Variants in RAP1GAP2 observed in about 807,000 individuals in gnomAD.
RAP1GAP2 encodes RAP1 GTPase activating protein 2.
A neutral mutation model predicts 95.0 loss-of-function variants in RAP1GAP2; 27 were observed. That is an observed-to-expected ratio of 0.28 (90% CI 0.21 to 0.39). The LOEUF is 0.39. Among genes scored for constraint, RAP1GAP2 ranks in the 10% least tolerant of loss-of-function variants. The probability of loss-of-function intolerance (pLI) is 1.00; values close to 1 mark genes in which losing one functional copy is unlikely to be tolerated. For missense variants in RAP1GAP2, 771 were observed against 970.0 expected, an observed-to-expected ratio of 0.79 and a Z score of 2.72; for synonymous variants, 373 against 380.9, an observed-to-expected ratio of 0.98 and a Z score of 0.24.
intron 4 of RAP1GAP2, 144 bp downstream of exon 4, chr17:2,957,938 C>T (rs1290766312): frequency 2.3e-6 from 2 of 865,550 alleles, no homozygotes; most frequent in African/African-American, 3.5e-5. Context: ...TTGGCCCAGA[C>T]AACCTGAGGC....
intron 10 of RAP1GAP2, among the ~76,000 whole-genome samples, chr17:2,983,976 A>G (rs1164520248): frequency 6.6e-6 from 1 of 152,208 alleles, no homozygotes; most frequent in Non-Finnish European, 1.5e-5. Context: ...ATAACCACAC[A>G]TCTGCGTTTA....
At chr17:2,765,496 T>C (rs1036796831) in intron 1 of RAP1GAP2, among the ~76,000 whole-genome samples, 2 of 151,960 alleles carry the variant, frequency 1.3e-5, no homozygotes, top group African/African-American at 2.4e-5. Context: ...TCCCAGCACT[T>C]TGAGAGGCTG....
intron 18 of RAP1GAP2, among the ~76,000 whole-genome samples, chr17:3,019,227 A>T (rs2046875566): frequency 1.3e-5 from 2 of 151,782 alleles, no homozygotes; most frequent in Admixed American, 1.3e-4. Flanking sequence ...AAGGGGAGGG[A>T]ATCATGTAGT....
At chr17:2,924,664 C>A (rs9902403) in intron 3 of RAP1GAP2, among the ~76,000 whole-genome samples, 76,475 of 151,644 alleles carry the variant, frequency 0.5, 20,501 homozygotes, top group African/African-American at 0.68. Flanking sequence ...GGTTTGCTTC[C>A]CCGAGGATCA....
At chr17:3,021,580 C>T (rs771427514) in intron 19 of RAP1GAP2, among the ~76,000 whole-genome samples, 6 of 152,046 alleles carry the variant, frequency 3.9e-5, no homozygotes, top group South Asian at 4.2e-4. Context: ...GGACTACAGG[C>T]GCATGCCACC....
chr17:2,764,167 C>A (rs955222441), intron 1 of RAP1GAP2, among the ~76,000 whole-genome samples: 1 of 152,174 alleles, frequency 6.6e-6, no homozygotes, highest in Non-Finnish European at 1.5e-5. Context: ...CGCAGTGGCT[C>A]ACGCCTGTAA....
chr17:2,965,731 C>A lies in RAP1GAP2; in HGVS notation c.596+88C>A. The A allele has an allele frequency of 3.1e-6, 3 of 958,682 alleles. No individual in the cohort carries two copies. Among genetic ancestry groups the A allele is most frequent in the South Asian group, 1.4e-5 (1 of 70,086 alleles). 59.4% of individuals were successfully genotyped at this position (958,682 alleles called of 1,614,324 possible). On this transcript the variant is annotated intron_variant, in intron 8 of 24. Coordinates refer to ENST00000254695, the MANE Select transcript of RAP1GAP2 (RefSeq NM_015085.5). The surrounding 1 kb of genome is among the most constrained non-coding windows in gnomAD (Gnocchi z 4.7). ...GGGGCTGGGATGGGACTCAGAAATA[C>A]CAGACTGACCAGTCTGGTCTGGGTG...
At chr17:2,997,323 G>T (rs944085844) in intron 13 of RAP1GAP2, among the ~76,000 whole-genome samples, 1 of 152,158 alleles carries the variant, frequency 6.6e-6, no homozygotes, top group Non-Finnish European at 1.5e-5. Flanking sequence ...GCCCTCTCAG[G>T]TTGCTTTCCA....
At chr17:2,944,855 C>G (rs181078354) in intron 3 of RAP1GAP2, among the ~76,000 whole-genome samples, 3 of 152,104 alleles carry the variant, frequency 2.0e-5, no homozygotes, top group Non-Finnish European at 1.5e-5. Context: ...TAAATTTGTT[C>G]CTAGGTATTT....
chr17:2,770,622 C>T lies in RAP1GAP2; in HGVS notation c.167+177C>T, dbSNP rs543918958. Among the ~76,000 whole-genome samples, 13 of 152,368 alleles carry T rather than the reference C, an allele frequency of 8.5e-5. No individual in the cohort carries two copies. In the South Asian group the frequency reaches 1.4e-3, roughly 17 times the overall value. On this transcript the variant is annotated intron_variant, in intron 2 of 25. Coordinates refer to the RAP1GAP2 transcript ENST00000637138. ...ATCAGCCTGGATGCTTGTCCCACCT[C>T]GAATGCACTGAGGCAACTCACTGCC...
At chr17:2,926,038 A>C (rs1225697431) in intron 3 of RAP1GAP2, among the ~76,000 whole-genome samples, 1 of 149,302 alleles carries the variant, frequency 6.7e-6, no homozygotes, top group East Asian at 2.0e-4. Flanking sequence ...TACTCAGGAG[A>C]GTGAGGCAGG....
At chr17:2,794,363 A>G (rs886435615), upstream of RAP1GAP2, among the ~76,000 whole-genome samples, 3 of 152,108 alleles carry the variant, frequency 2.0e-5, no homozygotes, top group Admixed American at 6.6e-5. Context: ...TCTCAGATGG[A>G]GGCAGGGCAG....
chr17:2,775,677 G>C (rs2068483499), upstream of RAP1GAP2, among the ~76,000 whole-genome samples: 1 of 152,182 alleles, frequency 6.6e-6, no homozygotes, highest in Non-Finnish European at 1.5e-5. Context: ...AGCACTTAGA[G>C]CTGCCTGAGG....
chr17:2,818,226 C>T (rs927026690), intron 2 of RAP1GAP2, among the ~76,000 whole-genome samples: 26 of 152,030 alleles, frequency 1.7e-4, no homozygotes, highest in East Asian at 7.7e-4. Context: ...TGCTTGCCTC[C>T]GTTCCTCTAT....
rs2046405816 is a variant in RAP1GAP2, at chr17:3,008,518, G to A, written c.1494+373G>A. On this transcript the variant is annotated intron_variant, in intron 17 of 24. Transcript: ENST00000254695. This position sits in a 1 kb window ranked among gnomAD's most constrained non-coding sequence, Gnocchi z 4.2. ...GGGAGCCCAGGGCAGAATGGCAGGA[G>A]CGAGGACCACAGCCCTTACGGGTCT... Among the ~76,000 whole-genome samples the A allele has an allele frequency of 6.6e-6, 1 of 152,234 alleles. No individual in the cohort carries two copies. Among genetic ancestry groups the A allele is most frequent in the Non-Finnish European group, 1.5e-5 (1 of 68,038 alleles).
intron 2 of RAP1GAP2, among the ~76,000 whole-genome samples, chr17:2,889,887 ATAT>A (rs1287129491): frequency 1.1e-3 from 42 of 38,732 alleles, no homozygotes; most frequent in African/African-American, 3.7e-3. Flanking sequence ...ATATATATAT[ATAT>A]TTTTTTTTTT....
Position 2,904,388 on chromosome 17 carries a change from T to C in RAP1GAP2, c.81-896T>C, listed in dbSNP as rs550004703. Among the ~76,000 whole-genome samples, 1 of 152,284 alleles carries C rather than the reference T, an allele frequency of 6.6e-6. No individual in the cohort carries two copies. The highest frequency in any genetic ancestry group is 2.4e-5 in the African/African-American group (1 of 41,560). On this transcript the variant is annotated intron_variant, in intron 2 of 24. Coordinates refer to ENST00000254695, the MANE Select transcript of RAP1GAP2 (RefSeq NM_015085.5). This position sits in a 1 kb window ranked among gnomAD's most constrained non-coding sequence, Gnocchi z 4.7. ...TGGGGAGTGTGTGAGCGCGGCAAAC[T>C]TGTCGCAGTCATGTTGCCATGGTGA...
chr17:2,899,441 G>A (rs1239234592), intron 2 of RAP1GAP2, among the ~76,000 whole-genome samples: 1 of 152,096 alleles, frequency 6.6e-6, no homozygotes, highest in African/African-American at 2.4e-5. Context: ...TCGATCTCCT[G>A]ACCTCGTGAT....
At chr17:2,958,380 C>T (rs2044195815) in intron 4 of RAP1GAP2, among the ~76,000 whole-genome samples, 1 of 152,050 alleles carries the variant, frequency 6.6e-6, no homozygotes, top group African/African-American at 2.4e-5. Context: ...CTTCGTTGTT[C>T]CTCACCAGGG....
Sources: gnomAD v4.1 joint callset for allele counts (sites outside exome capture counted in the v4.1 genomes callset) on GRCh38, gnomAD v4.1.1 for gene constraint, Gnocchi (gnomAD v3.1) non-coding constraint, MANE v1.5 for transcripts, NCBI Gene and HGNC (gene_info 2026-07-23, HGNC 2026-07-21) for gene names.